Variants in NAV1 observed in about 807,000 individuals in gnomAD.
NAV1 encodes the protein neuron navigator 1.
A neutral mutation model predicts 175.2 loss-of-function variants in NAV1; 18 were observed. That is an observed-to-expected ratio of 0.10 (90% confidence interval 0.07 to 0.15). NAV1 has a LOEUF of 0.15. NAV1 is among the 10% of genes least tolerant of loss of function. The probability of loss-of-function intolerance (pLI) is 1.00; values close to 1 mark genes in which losing one functional copy is unlikely to be tolerated. For synonymous variants in NAV1, 897 were observed against 978.7 expected (o/e 0.92, Z 1.56); for missense variants, 1,731 against 2,436.6 (o/e 0.71, Z 6.10).
intron 3 of NAV1, among the ~76,000 whole-genome samples, chr1:201,774,181 G>A (rs777863761): frequency 1.3e-5 from 2 of 152,168 alleles, no homozygotes; most frequent in African/African-American, 4.8e-5. Context: ...AAAGAGAAAT[G>A]GGAGGGAGAC....
chr1:201,648,907 C>T, exon 1 of NAV1: 4 of 1,612,700 alleles, frequency 2.5e-6, no homozygotes, highest in Non-Finnish European at 3.4e-6. Flanking sequence ...CCCGGCGGGC[C>T]GCCCGCCTCC....
chr1:201,601,690 G>T (rs770212387), intron 2 of NAV1, among the ~76,000 whole-genome samples: 4 of 152,172 alleles, frequency 2.6e-5, no homozygotes, highest in Non-Finnish European at 5.9e-5. Context: ...ACCAGACACT[G>T]CATCTCCTGG....
chr1:201,594,597 A>G (rs1410392594), intron 2 of NAV1, among the ~76,000 whole-genome samples: 1 of 152,210 alleles, frequency 6.6e-6, no homozygotes, highest in Non-Finnish European at 1.5e-5. Flanking sequence ...AAGGATGGGG[A>G]GAGGAGGACA....
chr1:201,590,715 G>C (rs939922958), intron 2 of NAV1, among the ~76,000 whole-genome samples: 1 of 152,248 alleles, frequency 6.6e-6, no homozygotes, highest in South Asian at 2.1e-4. Context: ...CCAGGAGCCA[G>C]TGGGCTGGCT....
rs6665525 is a variant in NAV1 at position 201,649,415 on chromosome 1, C to T, written c.747C>T (p.Ser249=). 1,008 of 1,558,634 alleles carry T rather than the reference C, an allele frequency of 6.5e-4. 3 individuals carry two copies. The African/African-American group carries it at 0.012, about 19-fold the overall frequency. Residue 249 remains serine, a synonymous_variant, in exon 1 of 30, where the codon AGC becomes AGT. Coordinates refer to ENST00000367296, the Ensembl canonical transcript of NAV1. ...GAGACCTGGAGCAGCTGCTCTTCAG[C>T]CAGATGCTGGGTAAGTCCTGCCGCC...
upstream of NAV1, among the ~76,000 whole-genome samples, chr1:201,645,352 G>A (rs1668941758): frequency 7.3e-6 from 1 of 137,330 alleles, no homozygotes; most frequent in African/African-American, 2.7e-5. Context: ...ATTGAACAAT[G>A]AGAACACATG....
chr1:201,782,282 G>A lies in NAV1; in HGVS notation c.1770G>A (p.Lys590=), dbSNP rs1676376609. 6.2e-7 allele frequency: 1 copy of A among 1,614,196 alleles called. No homozygotes were observed. The highest frequency in any genetic ancestry group is 8.5e-7 in the Non-Finnish European group (1 of 1,180,044). ...GTCGGGACCGCCTGAGTGATGCTAA[G>A]AAGCCCCCCTCGGGCATTGCTCGCC... Residue 590 remains lysine, a synonymous_variant, in exon 6 of 30, where the codon AAG becomes AAA. Coordinates refer to ENST00000367296, the Ensembl canonical transcript of NAV1. This position sits in a 1 kb window ranked among gnomAD's most constrained non-coding sequence, Gnocchi z 5.4.
chr1:201,726,744 A>G (rs1349686582), intron 3 of NAV1, among the ~76,000 whole-genome samples: 1 of 152,146 alleles, frequency 6.6e-6, no homozygotes, highest in African/African-American at 2.4e-5. Flanking sequence ...AGGGGTGGCT[A>G]GAGTATCAAA....
intron 1 of NAV1, among the ~76,000 whole-genome samples, chr1:201,558,159 T>C (rs192461059): frequency 1.3e-5 from 2 of 152,302 alleles, no homozygotes; most frequent in East Asian, 3.9e-4. Flanking sequence ...AAACTGACGA[T>C]ATGTAGATAA....
chr1:201,588,428 G>A (rs1416787263), intron 1 of NAV1, among the ~76,000 whole-genome samples, 111 bp from the exon 2 acceptor site: 1 of 151,870 alleles, frequency 6.6e-6, no homozygotes, highest in Non-Finnish European at 1.5e-5. Context: ...GCTCACTGCA[G>A]CCTCAAACTC....
At chr1:201,611,203 G>T (rs1015821061) in intron 2 of NAV1, among the ~76,000 whole-genome samples, 1 of 152,178 alleles carries the variant, frequency 6.6e-6, no homozygotes, top group East Asian at 1.9e-4. Flanking sequence ...ACAGACTGGG[G>T]TGATTGCATT....
chr1:201,752,150 A>T (rs1345530326), intron 3 of NAV1, among the ~76,000 whole-genome samples: 1 of 152,238 alleles, frequency 6.6e-6, no homozygotes, highest in Non-Finnish European at 1.5e-5. Context: ...GCAGTCCATG[A>T]ACTAAATGAC....
chr1:201,725,509 G>T (rs1283514292), intron 3 of NAV1, among the ~76,000 whole-genome samples: 4 of 152,088 alleles, frequency 2.6e-5, no homozygotes, highest in Non-Finnish European at 5.9e-5. Flanking sequence ...ATGGCAGCAC[G>T]TGCCTATGGA....
At chr1:201,652,775 T>G (rs1342134938) in intron 1 of NAV1, among the ~76,000 whole-genome samples, 1 of 152,200 alleles carries the variant, frequency 6.6e-6, no homozygotes, top group African/African-American at 2.4e-5. Context: ...AAAGAGAGCC[T>G]GTATTAATAC....
In NAV1 at chr1:201,578,801, A is replaced by G. The variant is rs557791118; in HGVS notation, c.-143-9738A>G. Among the ~76,000 whole-genome samples, 12 of 152,232 alleles carry G rather than the reference A, an allele frequency of 7.9e-5. No individual in the cohort carries two copies. The South Asian group carries it at 2.5e-3, about 32-fold the overall frequency. The stretch of plus-strand genomic sequence containing the variant: ...CTATCATCTAAAAGTTTGAACAACT[A>G]TCATCATTCAAACTTTATCATTGAA... On this transcript the variant is annotated intron_variant, in intron 1 of 33. Transcript: ENST00000685211.
chr1:201,586,444 G>T (rs527583239), intron 1 of NAV1, among the ~76,000 whole-genome samples: 2 of 152,162 alleles, frequency 1.3e-5, no homozygotes, highest in African/African-American at 4.8e-5. Flanking sequence ...GCCTGCTTGG[G>T]CTGCCATAAC....
intron 1 of NAV1, among the ~76,000 whole-genome samples, chr1:201,686,080 A>G (rs951332272): frequency 2.0e-5 from 3 of 152,212 alleles, no homozygotes; most frequent in African/African-American, 7.2e-5. Flanking sequence ...CTCCAGAGCC[A>G]GAGAAGAGGC....
intron 3 of NAV1, among the ~76,000 whole-genome samples, chr1:201,765,363 TGA>T (rs1221554432): frequency 5.3e-5 from 8 of 151,676 alleles, no homozygotes; most frequent in Non-Finnish European, 1.2e-4. Flanking sequence ...TGGATGGGTT[TGA>T]TCTTCAGGAA....
At chr1:201,631,615 C>T (rs1310068506) in intron 2 of NAV1, among the ~76,000 whole-genome samples, 1 of 152,232 alleles carries the variant, frequency 6.6e-6, no homozygotes, top group African/African-American at 2.4e-5. Context: ...AGTGACCTGC[C>T]CCTATAGGGG....
Sources: gnomAD v4.1 joint callset for allele counts (sites outside exome capture counted in the v4.1 genomes callset) on GRCh38, gnomAD v4.1.1 for gene constraint, Gnocchi (gnomAD v3.1) non-coding constraint, MANE v1.5 for transcripts, NCBI Gene and HGNC (gene_info 2026-07-23, HGNC 2026-07-21) for gene names.